LRIG1: variants seen among roughly 807,000 people sequenced by gnomAD.
The protein encoded by LRIG1 is leucine rich repeats and immunoglobulin like domains 1.
A neutral mutation model predicts 99.2 loss-of-function variants in LRIG1; 48 were observed. That is an observed-to-expected ratio of 0.48 (90% confidence interval 0.38 to 0.62). LRIG1 has a LOEUF of 0.62. LRIG1 is among the 20% of genes least tolerant of loss of function. LRIG1 has a pLI of 0.00. For missense variants in LRIG1, 1,646 were observed against 1,434.4 expected, an observed-to-expected ratio of 1.15 and a Z score of -2.38; for synonymous variants, 772 against 596.1, an observed-to-expected ratio of 1.29 and a Z score of -4.30.
chr3:66,463,502 C>T (rs941024849), intron 1 of LRIG1, among the ~76,000 whole-genome samples: 1 of 152,200 alleles, frequency 6.6e-6, no homozygotes, highest in Non-Finnish European at 1.5e-5. Context: ...AAAGAGCAAG[C>T]TGGGCAACTA....
At chr3:66,405,996 A>T (rs1702255416) in intron 8 of LRIG1, 1 of 991,580 alleles carries the variant, frequency 1.0e-6, no homozygotes, top group Non-Finnish European at 1.2e-6. Context: ...CCTGGAGACC[A>T]GGCCCCCATC....
intron 3 of LRIG1, among the ~76,000 whole-genome samples, chr3:66,424,477 C>T (rs1011354424): frequency 6.6e-6 from 1 of 152,224 alleles, no homozygotes; most frequent in Non-Finnish European, 1.5e-5. Flanking sequence ...CCCGGCATTC[C>T]ACCTTCAGGA....
intron 9 of LRIG1, among the ~76,000 whole-genome samples, chr3:66,404,689 G>T (rs2106639736): frequency 6.6e-6 from 1 of 152,182 alleles, no homozygotes; most frequent in Non-Finnish European, 1.5e-5. Context: ...CAAAATCTAG[G>T]AGCTAGCTAG....
chr3:66,459,082 C>T (rs990489585), intron 2 of LRIG1, among the ~76,000 whole-genome samples: 2 of 151,698 alleles, frequency 1.3e-5, no homozygotes, highest in Non-Finnish European at 2.9e-5. Flanking sequence ...ATGTCGTATT[C>T]TCCAAAGGTT....
intron 14 of LRIG1, 80 bp from the exon 15 acceptor site, chr3:66,383,481 CA>C: frequency 8.0e-7 from 1 of 1,244,580 alleles, no homozygotes; most frequent in Non-Finnish European, 1.1e-6. Context: ...GGACAACGGA[CA>C]ATCCAACATA....
chr3:66,408,208 A>G (rs1453761905), intron 7 of LRIG1, among the ~76,000 whole-genome samples: 3 of 151,752 alleles, frequency 2.0e-5, no homozygotes, highest in Admixed American at 2.0e-4. Flanking sequence ...TGGGGCAGGG[A>G]TAGGAAGATG....
intron 3 of LRIG1, among the ~76,000 whole-genome samples, chr3:66,433,338 G>A (rs958097952): frequency 6.6e-6 from 1 of 152,230 alleles, no homozygotes; most frequent in Non-Finnish European, 1.5e-5. Context: ...CAGACAGCCT[G>A]CGGCTATGAA....
At chr3:66,399,087 G>A (rs778598321) in intron 9 of LRIG1, 46 bp from the exon 10 acceptor site, 41 of 1,429,468 alleles carry the variant, frequency 2.9e-5, no homozygotes, top group African/African-American at 1.4e-4. Context: ...GAAGGAAAGC[G>A]AAACAGGAAG....
intron 11 of LRIG1, among the ~76,000 whole-genome samples, chr3:66,397,518 G>A (rs960924908): frequency 6.6e-5 from 10 of 150,488 alleles, no homozygotes; most frequent in African/African-American, 2.4e-4. Context: ...TAGCTCCCCT[G>A]CCAGAGTAGG....
chr3:66,494,522 G>T (rs1038474684), intron 1 of LRIG1, among the ~76,000 whole-genome samples: 12 of 152,158 alleles, frequency 7.9e-5, no homozygotes, highest in Non-Finnish European at 5.9e-5. Flanking sequence ...GAAATGAAAA[G>T]TATAAAACCC....
intron 1 of LRIG1, among the ~76,000 whole-genome samples, chr3:66,483,828 AGAG>A (rs1370138191): frequency 6.6e-6 from 1 of 152,212 alleles, no homozygotes; most frequent in Non-Finnish European, 1.5e-5. Context: ...AACGCAACAC[AGAG>A]GAGAGCGCCT....
At chr3:66,482,692 G>C (rs1002358236) in intron 1 of LRIG1, among the ~76,000 whole-genome samples, 6 of 152,150 alleles carry the variant, frequency 3.9e-5, no homozygotes, top group African/African-American at 1.2e-4. Flanking sequence ...TATGCATAAG[G>C]ATGTCTATCA....
chr3:66,404,418 G>A (rs1275424158), intron 9 of LRIG1: 13 of 1,216,884 alleles, frequency 1.1e-5, no homozygotes, highest in South Asian at 1.0e-4. Context: ...AATGACTCTC[G>A]TCCCCTTCCT....
At chr3:66,419,858 A>G (rs1406838587) in intron 3 of LRIG1, among the ~76,000 whole-genome samples, 1 of 152,058 alleles carries the variant, frequency 6.6e-6, no homozygotes, top group African/African-American at 2.4e-5. Flanking sequence ...GATGACAACT[A>G]GGGGCATCAA....
At chr3:66,383,482 A>T (rs1021931519) in intron 14 of LRIG1, 81 bp from the exon 15 acceptor site, 5 of 1,231,162 alleles carry the variant, frequency 4.1e-6, no homozygotes, top group Non-Finnish European at 4.5e-6. Context: ...GACAACGGAC[A>T]ATCCAACATA....
intron 3 of LRIG1, among the ~76,000 whole-genome samples, chr3:66,436,266 A>G (rs754055726): frequency 4.0e-5 from 6 of 151,720 alleles, no homozygotes; most frequent in Non-Finnish European, 7.4e-5. Context: ...CAGACACCAC[A>G]CTCCCAAAGC....
At chr3:66,474,655 T>C (rs143725107) in intron 1 of LRIG1, among the ~76,000 whole-genome samples, 1 of 152,160 alleles carries the variant, frequency 6.6e-6, no homozygotes, top group Non-Finnish European at 1.5e-5. Flanking sequence ...CCCATCTACA[T>C]TCAATGTGGC....
intron 3 of LRIG1, among the ~76,000 whole-genome samples, chr3:66,427,329 C>T (rs775073730): frequency 1.1e-4 from 16 of 152,228 alleles, no homozygotes; most frequent in Non-Finnish European, 4.4e-5. Context: ...ACATATCACA[C>T]CTGGAATCCA....
At position 66,382,918 on chromosome 3, in the gene LRIG1, C is replaced by G. The variant is rs983233692; in HGVS notation, c.2491+64G>C. ...TTTCAAAAGCCACTGGAACCCGGCC[C>G]AGTTCCCCAGCATCACTGCCATTCC... On this transcript the variant is annotated intron_variant, in intron 15 of 18. Transcript: ENST00000273261. 4.7e-6 allele frequency: 7 copies of G among 1,475,648 alleles called. No homozygotes were observed. The African/African-American group carries it at 8.3e-5, about 17-fold the overall frequency. The allele number at this position is 1,475,648 out of a possible 1,614,324, so 91.4% of individuals were successfully genotyped here.
Sources: allele counts gnomAD v4.1 joint callset (sites outside exome capture counted in the v4.1 genomes callset), GRCh38; gene constraint gnomAD v4.1.1; transcripts MANE v1.5; gene names NCBI Gene and HGNC (gene_info 2026-07-23, HGNC 2026-07-21).